The following AKIRIN2 variants were observed in gnomAD, a reference collection of about 807,000 sequenced individuals.
AKIRIN2 encodes akirin-2.
In AKIRIN2, 6 loss-of-function variants were observed where a neutral mutation model predicts 29.3. That is an observed-to-expected ratio of 0.20 (90% CI 0.11 to 0.40). The LOEUF is 0.40. AKIRIN2 is among the 10% of genes least tolerant of loss of function. The pLI is 1.00. For missense variants in AKIRIN2, 210 were observed against 276.1 expected, an observed-to-expected ratio of 0.76 and a Z score of 1.70; for synonymous variants, 128 against 117.5, an observed-to-expected ratio of 1.09 and a Z score of -0.58.
At chr6:87,675,993 GA>G in intron 3 of AKIRIN2, 62 bp from the exon 4 acceptor site, 1 of 1,396,346 alleles carries the variant, frequency 7.2e-7, no homozygotes, top group Non-Finnish European at 1.0e-6. Flanking sequence ...CAGATAAACT[GA>G]AAACACAAAA....
In AKIRIN2 at chr6:87,677,802, TA is replaced by T. The variant is rs755450006; in HGVS notation, c.529+15del. 6 of 1,609,994 alleles carry T rather than the reference TA, an allele frequency of 3.7e-6. No homozygotes were observed. In the Admixed American group the frequency reaches 1.0e-4, roughly 27 times the overall value. ...CAACTGAGTTCCTCAGAAACTCTAA[TA>T]AACACACCTCATACCTGCAAGTTTT... On this transcript the variant is annotated intron_variant, in intron 3 of 4. Coordinates refer to ENST00000257787, the MANE Select transcript of AKIRIN2 (RefSeq NM_018064.4).
At chr6:87,679,137 GAAA>G (rs34554650) in intron 2 of AKIRIN2, among the ~76,000 whole-genome samples, 2 of 84,154 alleles carry the variant, frequency 2.4e-5, no homozygotes, top group Admixed American at 1.2e-4. Flanking sequence ...CTTCATCTCA[GAAA>G]AAAAAAAAAA....
At chr6:87,695,304 T>C (rs568508429) in intron 1 of AKIRIN2, among the ~76,000 whole-genome samples, 2 of 145,504 alleles carry the variant, frequency 1.4e-5, no homozygotes, top group East Asian at 4.0e-4. Flanking sequence ...AGTCACATTT[T>C]TTGTCAAAAA....
At chr6:87,694,093 A>C (rs1267165565) in intron 1 of AKIRIN2, among the ~76,000 whole-genome samples, 2 of 152,198 alleles carry the variant, frequency 1.3e-5, no homozygotes, top group East Asian at 3.9e-4. Context: ...AAAAATAAAC[A>C]AAAGAAAAAT....
At position 87,675,616 on chromosome 6, in the gene AKIRIN2, T is replaced by G. The variant is rs1316300351; in HGVS notation, c.602-9A>C. ...CGTGATTCATGAAACATCTAAAGGG[T>G]GAGAAAAAGAAAATTAGTGCAAAAT... On this transcript the variant is annotated splice_polypyrimidine_tract_variant and intron_variant, in intron 4 of 4. Coordinates refer to ENST00000257787, the MANE Select transcript of AKIRIN2 (RefSeq NM_018064.4). 1 of 1,613,748 alleles carries G rather than the reference T, an allele frequency of 6.2e-7. No homozygotes were observed. Among genetic ancestry groups the G allele is most frequent in the Admixed American group, 1.7e-5 (1 of 59,974 alleles).
intron 1 of AKIRIN2, among the ~76,000 whole-genome samples, chr6:87,691,143 C>T (rs572596604): frequency 6.6e-5 from 10 of 152,008 alleles, no homozygotes; most frequent in South Asian, 6.2e-4. Flanking sequence ...CAAGATCTGA[C>T]GATAAAAAGT....
At chr6:87,681,481 A>T in intron 2 of AKIRIN2, 139 bp downstream of exon 2, 2 of 819,956 alleles carry the variant, frequency 2.4e-6, no homozygotes, top group Non-Finnish European at 3.6e-6. Context: ...ATTATTTTTT[A>T]AGATGTCATG....
At chr6:87,689,147 C>T (rs886903723) in intron 1 of AKIRIN2, among the ~76,000 whole-genome samples, 7 of 152,118 alleles carry the variant, frequency 4.6e-5, no homozygotes, top group South Asian at 4.1e-4. Flanking sequence ...CAGTACACCA[C>T]GATCAAGCTG....
intron 1 of AKIRIN2, among the ~76,000 whole-genome samples, chr6:87,689,976 C>A (rs66502414): frequency 0.13 from 19,901 of 152,160 alleles, 1,466 homozygotes; most frequent in African/African-American, 0.19. Flanking sequence ...CTTTGGGAGG[C>A]CAAGGCAGTT....
intron 1 of AKIRIN2, 134 bp from the exon 2 acceptor site, chr6:87,681,897 TG>T (rs1771127716): frequency 2.7e-6 from 2 of 752,934 alleles, no homozygotes; most frequent in South Asian, 4.2e-5. Context: ...ACTGACATTT[TG>T]GTAGGAACTC....
intron 1 of AKIRIN2, among the ~76,000 whole-genome samples, chr6:87,699,707 C>T (rs900787558): frequency 6.6e-5 from 10 of 152,130 alleles, no homozygotes; most frequent in African/African-American, 2.4e-4. Flanking sequence ...ACAGATATGC[C>T]AATGAAAAGT....
At chr6:87,683,230 C>CG in intron 1 of AKIRIN2, among the ~76,000 whole-genome samples, 1 of 152,238 alleles carries the variant, frequency 6.6e-6, no homozygotes, top group East Asian at 1.9e-4. Flanking sequence ...TATACATACA[C>CG]GAATGTGCAG....
intron 1 of AKIRIN2, among the ~76,000 whole-genome samples, chr6:87,693,884 G>C (rs913335235): frequency 2.0e-5 from 3 of 152,240 alleles, no homozygotes; most frequent in Admixed American, 6.5e-5. Context: ...CTCTATCATA[G>C]CAACTAAAAT....
intron 1 of AKIRIN2, among the ~76,000 whole-genome samples, chr6:87,685,835 A>G (rs1030535416): frequency 5.3e-5 from 8 of 152,146 alleles, no homozygotes; most frequent in Non-Finnish European, 1.2e-4. Context: ...AACCTAGTAC[A>G]TGACACTAAA....
intron 3 of AKIRIN2, among the ~76,000 whole-genome samples, chr6:87,677,341 A>T (rs767589179): frequency 1.3e-4 from 20 of 152,190 alleles, no homozygotes; most frequent in Non-Finnish European, 2.5e-4. Flanking sequence ...TATAAACAGT[A>T]AATCTGTGGC....
intron 2 of AKIRIN2, among the ~76,000 whole-genome samples, chr6:87,680,447 G>A (rs1379604069): frequency 2.7e-5 from 4 of 150,706 alleles, no homozygotes; most frequent in Admixed American, 6.6e-5. Context: ...TAATTTTTTG[G>A]ATTTTAGTAG....
chr6:87,686,666 A>G (rs1771193173), intron 1 of AKIRIN2, among the ~76,000 whole-genome samples: 1 of 152,144 alleles, frequency 6.6e-6, no homozygotes, highest in South Asian at 2.1e-4. Context: ...TTATAGGTCA[A>G]TACCATTTAT....
At chr6:87,700,703 A>G (rs1405140284) in intron 1 of AKIRIN2, 1 of 152,954 alleles carries the variant, frequency 6.5e-6, no homozygotes, top group Non-Finnish European at 1.5e-5. Flanking sequence ...GCAAAAATAA[A>G]ACATTTCCAA....
intron 2 of AKIRIN2, among the ~76,000 whole-genome samples, chr6:87,679,001 G>A (rs1252128585): frequency 6.6e-6 from 1 of 152,030 alleles, no homozygotes; most frequent in East Asian, 1.9e-4. Flanking sequence ...CAGGCGTGGT[G>A]GCACATGCCT....
Sources: gnomAD v4.1 joint callset for allele counts (sites outside exome capture counted in the v4.1 genomes callset) on GRCh38, gnomAD v4.1.1 for gene constraint, MANE v1.5 for transcripts, NCBI Gene and HGNC (gene_info 2026-07-23, HGNC 2026-07-21) for gene names.